CYP4Z1: variants seen among roughly 807,000 people sequenced by gnomAD.
CYP4Z1 encodes cytochrome P450 family 4 subfamily Z member 1.
CYP4Z1 carries 41 observed loss-of-function variants against 54.2 expected under a neutral mutation model. The ratio of observed to expected loss-of-function variants is 0.76; its 90% CI spans 0.59 to 0.98. CYP4Z1 has a LOEUF of 0.98. CYP4Z1 is among the 50% of genes least tolerant of loss of function. The pLI, the probability that CYP4Z1 is intolerant of heterozygous loss-of-function variation, is 0.00. For synonymous variants in CYP4Z1, 163 were observed against 206.2 expected, an observed-to-expected ratio of 0.79 and a Z score of 1.79; for missense variants, 513 against 599.0, an observed-to-expected ratio of 0.86 and a Z score of 1.50.
intron 9 of CYP4Z1, among the ~76,000 whole-genome samples, chr1:47,115,134 A>G (rs1644820506): frequency 1.3e-5 from 2 of 152,092 alleles, no homozygotes; most frequent in South Asian, 2.1e-4. Context: ...TGATGAGTTC[A>G]TGTCCTTTGT....
chr1:47,101,768 T>C (rs1447998357), intron 8 of CYP4Z1, among the ~76,000 whole-genome samples: 2 of 152,110 alleles, frequency 1.3e-5, no homozygotes, highest in African/African-American at 4.8e-5. Flanking sequence ...GTACATTTAG[T>C]CCAACGTGCA....
chr1:47,098,792 G>A (rs959557972), intron 7 of CYP4Z1, among the ~76,000 whole-genome samples: 2 of 151,774 alleles, frequency 1.3e-5, no homozygotes, highest in African/African-American at 4.8e-5. Flanking sequence ...AAACATTCTT[G>A]TACATAATAA....
At chr1:47,077,466 T>C (rs1288783784) in intron 2 of CYP4Z1, among the ~76,000 whole-genome samples, 4 of 152,192 alleles carry the variant, frequency 2.6e-5, no homozygotes, top group African/African-American at 9.7e-5. Flanking sequence ...AGATCTAAAG[T>C]GAGTCTCTTG....
intron 6 of CYP4Z1, among the ~76,000 whole-genome samples, chr1:47,090,714 A>G (rs1444284054): frequency 6.6e-6 from 1 of 151,832 alleles, no homozygotes; most frequent in Non-Finnish European, 1.5e-5. Flanking sequence ...TCACATTGAT[A>G]TGGAGACATT....
rs1443340056 is a variant in CYP4Z1, at chr1:47,085,834, C to A, written c.772+856C>A. Among the ~76,000 whole-genome samples, 4 of 85,572 alleles carry A rather than the reference C, an allele frequency of 4.7e-5. No individual in the cohort carries two copies. The South Asian group carries it at 1.5e-3, about 33-fold the overall frequency. The allele number at this position is 85,572 out of a possible 152,430, so 56.1% of individuals were successfully genotyped here. Reference sequence around the variant, plus strand: ...CCTTAGGTATATCTCCTAATGCTATCCCACCCCCCTCCCCCCACCCCACAA... The same window carrying A: ...CCTTAGGTATATCTCCTAATGCTATACCACCCCCCTCCCCCCACCCCACAA... On this transcript the variant is annotated intron_variant, in intron 6 of 11. Transcript: ENST00000334194.
intron 7 of CYP4Z1, among the ~76,000 whole-genome samples, chr1:47,098,558 T>C (rs1368696474): frequency 2.0e-5 from 3 of 152,238 alleles, no homozygotes; most frequent in African/African-American, 7.2e-5. Context: ...AACTTGTATA[T>C]TTTAAAATTA....
intron 7 of CYP4Z1, among the ~76,000 whole-genome samples, chr1:47,095,234 A>C (rs1322012874): frequency 6.6e-6 from 1 of 152,186 alleles, no homozygotes; most frequent in Non-Finnish European, 1.5e-5. Flanking sequence ...GAAATGCAGA[A>C]TCTTAGGCCC....
chr1:47,095,857 T>C (rs1442917202), intron 7 of CYP4Z1, among the ~76,000 whole-genome samples: 2 of 152,236 alleles, frequency 1.3e-5, no homozygotes, highest in African/African-American at 4.8e-5. Flanking sequence ...AAGTGTTCAA[T>C]AAATATTTGC....
chr1:47,063,097 C>G (rs554352182), upstream of CYP4Z1, among the ~76,000 whole-genome samples: 1 of 152,274 alleles, frequency 6.6e-6, no homozygotes, highest in South Asian at 2.1e-4. Flanking sequence ...CAGCCTAGAG[C>G]CTCGTAGCTC....
chr1:47,078,043 T>C (rs1644537933), intron 2 of CYP4Z1, among the ~76,000 whole-genome samples: 1 of 152,206 alleles, frequency 6.6e-6, no homozygotes, highest in Non-Finnish European at 1.5e-5. Flanking sequence ...CTGTATATTT[T>C]CAGTTATTTT....
At position 47,106,193 on chromosome 1, in the gene CYP4Z1, C is replaced by T. The variant is rs748981833; in HGVS notation, c.1133C>T (p.Pro378Leu). 43 of 1,613,888 alleles carry T rather than the reference C, an allele frequency of 2.7e-5. No homozygotes were observed. Among genetic ancestry groups the T allele is most frequent in the Admixed American group, 1.3e-4 (8 of 59,982 alleles). Residue 378 changes from proline (P) to leucine (L), a missense_variant, in exon 9 of 12, where the codon CCG (proline) becomes CTG (leucine). By Grantham distance (98) the Pro-to-Leu change is moderately conservative. Coordinates refer to ENST00000334194, the MANE Select transcript of CYP4Z1 (RefSeq NM_178134.3). ...AAGGAATGCCTCCGCCTCTACGCACCGGTAGTAAACATATCCCGGTTACTC... is the reference window on the plus strand; with the variant it reads ...AAGGAATGCCTCCGCCTCTACGCACTGGTAGTAAACATATCCCGGTTACTC... ...CIKECLRLYA[P>L]VVNISRLLDK...
chr1:47,085,371 C>T (rs1194113184), intron 6 of CYP4Z1, among the ~76,000 whole-genome samples: 1 of 152,118 alleles, frequency 6.6e-6, no homozygotes, highest in Non-Finnish European at 1.5e-5. Flanking sequence ...GTTCATCAAA[C>T]AACACAGCAC....
chr1:47,092,254 A>G (rs1165651098), intron 6 of CYP4Z1, among the ~76,000 whole-genome samples: 3 of 151,904 alleles, frequency 2.0e-5, no homozygotes, highest in Admixed American at 1.3e-4. Flanking sequence ...GCAAGCCTGC[A>G]AAGTTGTTGC....
In CYP4Z1 at chr1:47,113,784, T is replaced by A. The variant is rs528745466; in HGVS notation, c.1202-1745T>A. ...AGGAGAACTACAAACCGCTGCTCAA[T>A]GAAATAAAAGAGGATACAAACAAAT... On this transcript the variant is annotated intron_variant, in intron 9 of 11. Coordinates refer to ENST00000334194, the MANE Select transcript of CYP4Z1 (RefSeq NM_178134.3). 4.6e-5 allele frequency among the ~76,000 whole-genome samples: 7 copies of A among 152,126 alleles called. No homozygotes were observed. In the South Asian group the frequency reaches 1.0e-3, roughly 23 times the overall value.
intron 9 of CYP4Z1, among the ~76,000 whole-genome samples, chr1:47,112,025 A>G (rs1644795518): frequency 6.6e-6 from 1 of 152,214 alleles, no homozygotes; most frequent in African/African-American, 2.4e-5. Flanking sequence ...GAATTAAATT[A>G]AACATTGACG....
At chr1:47,058,432 C>T in the CYP4Z1 span, among the ~76,000 whole-genome samples, 4 of 152,044 alleles carry the variant, frequency 2.6e-5, no homozygotes, top group Admixed American at 2.0e-4. Flanking sequence ...TCCTCGATCA[C>T]CACCTCACTT....
intron 2 of CYP4Z1, among the ~76,000 whole-genome samples, chr1:47,069,812 C>T (rs1175324133): frequency 5.7e-5 from 8 of 141,124 alleles, no homozygotes; most frequent in African/African-American, 2.2e-4. Flanking sequence ...GTCTTCAACT[C>T]ACAACCTTAG....
At chr1:47,112,989 G>C (rs1314613705) in intron 9 of CYP4Z1, among the ~76,000 whole-genome samples, 2 of 150,848 alleles carry the variant, frequency 1.3e-5, no homozygotes, top group Non-Finnish European at 2.9e-5. Flanking sequence ...CTCCCAAGTA[G>C]CTGACTAGGA....
chr1:47,098,917 A>C (rs1644699637), intron 7 of CYP4Z1, among the ~76,000 whole-genome samples, 177 bp from the exon 8 acceptor site: 1 of 152,204 alleles, frequency 6.6e-6, no homozygotes, highest in Non-Finnish European at 1.5e-5. Flanking sequence ...ATTTCTTTCT[A>C]CATTGCCTGG....
Sources: gnomAD v4.1 joint callset for allele counts (sites outside exome capture counted in the v4.1 genomes callset) on GRCh38, gnomAD v4.1.1 for gene constraint, MANE v1.5 for transcripts, NCBI Gene and HGNC (gene_info 2026-07-23, HGNC 2026-07-21) for gene names.